Variants in SIGLEC8 observed in about 807,000 individuals in gnomAD.
The protein encoded by SIGLEC8 is sialic acid binding Ig like lectin 8.
Under a neutral mutation model 42.1 loss-of-function variants are expected in SIGLEC8, and 32 were observed. That is an observed-to-expected ratio of 0.76 (90% CI 0.57 to 1.02). The LOEUF (loss-of-function observed/expected upper bound fraction) is 1.02, where lower values mean the gene tolerates loss of function less well. SIGLEC8 is among the 50% of genes least tolerant of loss of function. The pLI, the probability that SIGLEC8 is intolerant of heterozygous loss-of-function variation, is 0.00. For synonymous variants in SIGLEC8, 262 were observed against 260.3 expected (o/e 1.01, Z -0.06); for missense variants, 611 against 610.2 (o/e 1.00, Z -0.01).
In SIGLEC8 at chr19:51,454,258, G is replaced by T. The variant is rs145702641; in HGVS notation, c.1206C>A (p.Gly402=). Residue 402 remains glycine, a synonymous_variant, in exon 6 of 7, where the codon GGC becomes GGA. Transcript: ENST00000321424. This position sits in a 1 kb window ranked among gnomAD's most constrained non-coding sequence, Gnocchi z 4.7. Reference sequence around the variant, plus strand: ...CCCTGATGGCCTTTGCATCTTCCATGCCTGTATCCCCCACGCCCGCTGCTG... The same window carrying T: ...CCCTGATGGCCTTTGCATCTTCCATTCCTGTATCCCCCACGCCCGCTGCTG... ...ARPAAGVGDT[G]MEDAKAIRGS... is the part of the protein sequence containing the mutation. 1.2e-4 allele frequency: 190 copies of T among 1,614,138 alleles called. No homozygotes were observed. The African/African-American group carries it at 2.1e-3, about 18-fold the overall frequency.
At chr19:51,457,895 G>T in intron 1 of SIGLEC8, 39 bp downstream of exon 1, 1 of 1,599,334 alleles carries the variant, frequency 6.3e-7, no homozygotes, top group South Asian at 1.1e-5. Flanking sequence ...AGCCCCTCAT[G>T]ACCTTCCCCT....
Position 51,457,648 on chromosome 19 carries a change from C to T in SIGLEC8, c.546G>A (p.Lys182=). ...AGGAGATCATGGGGGGTGTCCCCTG[C>T]TTACAGGCCCAGGGCACAGAGCAGG... is the stretch of plus-strand genomic sequence containing the variant. ...NLTCSVPWAC[K]QGTPPMISWI... Residue 182 remains lysine (K), a synonymous_variant, in exon 2 of 7, where the codon AAG becomes AAA. Coordinates refer to ENST00000321424, the MANE Select transcript of SIGLEC8 (RefSeq NM_014442.3). 6.2e-7 allele frequency: 1 copy of T among 1,611,328 alleles called. No homozygotes were observed. The highest frequency in any genetic ancestry group is 8.5e-7 in the Non-Finnish European group (1 of 1,178,544).
intron 3 of SIGLEC8, among the ~76,000 whole-genome samples, chr19:51,456,034 A>G (rs552929645): frequency 1.4e-5 from 2 of 139,914 alleles, no homozygotes; most frequent in African/African-American, 5.2e-5. Context: ...ATGAGAACAC[A>G]TGGACACAGG....
rs1189439360 is a variant in SIGLEC8, at chr19:51,452,131, T to G, written c.*248A>C. ...ATGGATGAACCTAGGGGATATTTTT[T>G]TGTGTAAAATGAGCCACACACAGAG... On this transcript the variant is annotated 3_prime_UTR_variant, in exon 7 of 7. Coordinates refer to ENST00000321424, the MANE Select transcript of SIGLEC8 (RefSeq NM_014442.3). 2 of 372,000 alleles carry G rather than the reference T, an allele frequency of 5.4e-6. No homozygotes were observed. The highest frequency in any genetic ancestry group is 2.1e-5 in the African/African-American group (1 of 48,476). The allele number at this position is 372,000 out of a possible 1,614,324, so 23.0% of individuals were successfully genotyped here.
chr19:51,454,547 C>T lies in SIGLEC8; in HGVS notation c.1148+137G>A. 9.9e-7 allele frequency: 1 copy of T among 1,014,300 alleles called. No individual in the cohort carries two copies. Among genetic ancestry groups the T allele is most frequent in the Non-Finnish European group, 1.5e-6 (1 of 675,564 alleles). The allele number at this position is 1,014,300 out of a possible 1,614,324, so 62.8% of individuals were successfully genotyped here. A position where few individuals can be genotyped will look rare whatever the true frequency, so the allele number is the denominator to read the frequency against. ...CACAGACAAGGACGCTCGTGAAATG[C>T]TCACCGTGCACCCGTGAGCTCATTC... On this transcript the variant is annotated intron_variant, in intron 5 of 6. Transcript: ENST00000321424. The surrounding 1 kb of genome is among the most constrained non-coding windows in gnomAD (Gnocchi z 4.7).
chr19:51,453,728 C>T, intron 6 of SIGLEC8: 1 of 977,326 alleles, frequency 1.0e-6, no homozygotes, highest in Non-Finnish European at 1.2e-6. Flanking sequence ...TGAGTATCTA[C>T]ATGTAAATTA....
rs1989382002 is a variant in SIGLEC8, at chr19:51,452,283, G to A, written c.*96C>T. The A allele has an allele frequency of 9.4e-7, 1 of 1,060,288 alleles. No homozygotes were observed. The highest frequency in any genetic ancestry group is 1.7e-5 in the South Asian group (1 of 57,186). 65.7% of individuals were successfully genotyped at this position (1,060,288 alleles called of 1,614,324 possible). ...TGGGTCCCTGGTAGCCGGGGAAAGG[G>A]GAGACATTGGTCCAAGTTTTGGTTA... On this transcript the variant is annotated 3_prime_UTR_variant, in exon 7 of 7. Transcript: ENST00000321424.
At position 51,454,209 on chromosome 19, in the gene SIGLEC8, C is replaced by T. The variant is rs1276162809; in HGVS notation, c.1245+10G>A. 25 of 1,613,938 alleles carry T rather than the reference C, an allele frequency of 1.5e-5. No homozygotes were observed. Among genetic ancestry groups the T allele is most frequent in the Non-Finnish European group, 1.9e-5 (23 of 1,179,960 alleles). On this transcript the variant is annotated intron_variant, in intron 6 of 6. Coordinates refer to ENST00000321424, the MANE Select transcript of SIGLEC8 (RefSeq NM_014442.3). The surrounding 1 kb of genome is among the most constrained non-coding windows in gnomAD (Gnocchi z 4.7). Reference sequence around the variant, plus strand: ...TGGATGCTCGGTGTGGAGAAGCCCACATCACTCACCTGAGAGGCCGAGCCC... The same window carrying T: ...TGGATGCTCGGTGTGGAGAAGCCCATATCACTCACCTGAGAGGCCGAGCCC...
In SIGLEC8 at chr19:51,451,478, A is replaced by G. The variant is rs973562820; in HGVS notation, c.*901T>C. 12 of 152,190 alleles carry G rather than the reference A, an allele frequency of 7.9e-5. No homozygotes were observed. Among genetic ancestry groups the G allele is most frequent in the Admixed American group, 3.3e-4 (5 of 15,286 alleles). 9.4% of individuals were successfully genotyped at this position (152,190 alleles called of 1,614,324 possible). A position where few individuals can be genotyped will look rare whatever the true frequency, so the allele number is the denominator to read the frequency against. ...GCTGCTCCCTCTTTTGTAAAAGTCAATGCCCTCAAGGAATTTATTTCCTGA... is the reference window on the plus strand; with the variant it reads ...GCTGCTCCCTCTTTTGTAAAAGTCAGTGCCCTCAAGGAATTTATTTCCTGA... On this transcript the variant is annotated 3_prime_UTR_variant, in exon 7 of 7. Transcript: ENST00000321424.
intron 6 of SIGLEC8, chr19:51,453,293 T>A: frequency 1.7e-6 from 1 of 595,434 alleles, no homozygotes; most frequent in Non-Finnish European, 2.1e-6. Flanking sequence ...TCTCATTATG[T>A]TGCCCAGGCT....
rs750211907 is a variant in SIGLEC8, at chr19:51,457,558, G to A, written c.636C>T (p.Thr212=). ...TTARSSVLTL[T]PKPQDHGTSL... ...TGGTGCCGTGGTCCTGGGGCTTTGGGGTAAGGGTGAGCACTGAGGAGCGGG... is the reference window on the plus strand; with the variant it reads ...TGGTGCCGTGGTCCTGGGGCTTTGGAGTAAGGGTGAGCACTGAGGAGCGGG... Residue 212 remains threonine (T), a synonymous_variant, in exon 2 of 7, where the codon ACC becomes ACT. Transcript: ENST00000321424. 6.2e-7 allele frequency: 1 copy of A among 1,613,920 alleles called. No homozygotes were observed. Among genetic ancestry groups the A allele is most frequent in the African/African-American group, 1.3e-5 (1 of 74,936 alleles).
At position 51,457,754 on chromosome 19, in the gene SIGLEC8, G is replaced by A; in HGVS notation, c.455-15C>T. ...ATGGGTCAGGGCTGGTGAAGATGGG[G>A]ACACAGGATCAGGAGGAGGTATTTC... On this transcript the variant is annotated splice_polypyrimidine_tract_variant and intron_variant, in intron 1 of 6. Transcript: ENST00000321424. The A allele has an allele frequency of 1.3e-6, 2 of 1,562,534 alleles. No homozygotes were observed. Among genetic ancestry groups the A allele is most frequent in the South Asian group, 1.2e-5 (1 of 80,932 alleles).
rs1599931406 is a variant in SIGLEC8, at chr19:51,458,395, T to G, written c.-8A>C. ...CAGCAGCAGCAGCAGCATGTCTGGGTTTGAAGGCGCCAGGGCCGCCAGGGA... is the reference window on the plus strand; with the variant it reads ...CAGCAGCAGCAGCAGCATGTCTGGGGTTGAAGGCGCCAGGGCCGCCAGGGA... On this transcript the variant is annotated 5_prime_UTR_variant, in exon 1 of 7. Transcript: ENST00000321424. 2 of 1,610,374 alleles carry G rather than the reference T, an allele frequency of 1.2e-6. No individual in the cohort carries two copies. The highest frequency in any genetic ancestry group is 1.7e-6 in the Non-Finnish European group (2 of 1,177,896).
chr19:51,458,142 G>A lies in SIGLEC8; in HGVS notation c.246C>T (p.Asn82=). 6.2e-7 allele frequency: 1 copy of A among 1,614,166 alleles called. No individual in the cohort carries two copies. Among genetic ancestry groups the A allele is most frequent in the Non-Finnish European group, 8.5e-7 (1 of 1,180,024 alleles). ...CTGCCTGCACTTCTCTGTCTGGGTT[G>A]TTTGTGGCCACTGGAGCGTCTTGGT... ...RPYQDAPVAT[N]NPDREVQAET... The change falls in exon 1 of 7, where the codon AAC becomes AAT. Residue 82 remains asparagine (N), a synonymous_variant. Transcript: ENST00000321424.
chr19:51,455,682 T>C lies in SIGLEC8; in HGVS notation c.787A>G (p.Thr263Ala). 2 of 1,613,312 alleles carry C rather than the reference T, an allele frequency of 1.2e-6. No individual in the cohort carries two copies. Among genetic ancestry groups the C allele is most frequent in the South Asian group, 1.1e-5 (1 of 90,982 alleles). The change falls in exon 4 of 7, where the codon ACA (threonine) becomes GCA (alanine). Residue 263 changes from threonine (T) to alanine (A), a missense_variant. Thr to Ala is a moderately conservative substitution (Grantham distance 58, BLOSUM62 0). Coordinates refer to ENST00000321424, the MANE Select transcript of SIGLEC8 (RefSeq NM_014442.3). Reference sequence around the variant, plus strand: ...AGAGATGAGCCATTTCCCAGGGCTGTGGATGCTGCAGAGAAAGAGACAGAG... The same window carrying C: ...AGAGATGAGCCATTTCCCAGGGCTGCGGATGCTGCAGAGAAAGAGACAGAG... ...TVFQGDATAS[T>A]ALGNGSSLSV...
At chr19:51,456,206 C>T (rs1002807452) in intron 3 of SIGLEC8, among the ~76,000 whole-genome samples, 3 of 151,036 alleles carry the variant, frequency 2.0e-5, no homozygotes, top group African/African-American at 7.4e-5. Flanking sequence ...TATCCTAAAA[C>T]TTAAAGTATA....
chr19:51,454,434 T>C lies in SIGLEC8; in HGVS notation c.1149-119A>G. On this transcript the variant is annotated intron_variant, in intron 5 of 6. Coordinates refer to ENST00000321424, the MANE Select transcript of SIGLEC8 (RefSeq NM_014442.3). This position sits in a 1 kb window ranked among gnomAD's most constrained non-coding sequence, Gnocchi z 4.7. ...AGGGGTGACCGAGGCGCAACGGCGGTGGTCCAGTTCCAGAGACCCCAACGG... is the reference window on the plus strand; with the variant it reads ...AGGGGTGACCGAGGCGCAACGGCGGCGGTCCAGTTCCAGAGACCCCAACGG... The C allele has an allele frequency of 6.4e-7, 1 of 1,567,770 alleles. No homozygotes were observed. The highest frequency in any genetic ancestry group is 1.1e-5 in the South Asian group (1 of 88,308).
At chr19:51,456,307 G>A (rs748691923) in intron 3 of SIGLEC8, among the ~76,000 whole-genome samples, 12 of 152,232 alleles carry the variant, frequency 7.9e-5, no homozygotes, top group Non-Finnish European at 1.5e-4. Flanking sequence ...ACTAGTGAGA[G>A]GGACTGACAC....
At chr19:51,456,748 G>C (rs537038520) in intron 3 of SIGLEC8, among the ~76,000 whole-genome samples, 90 of 152,320 alleles carry the variant, frequency 5.9e-4, no homozygotes, top group African/African-American at 2.1e-3. Context: ...AGACTTTGCT[G>C]TGCATTTTGA....
Sources: allele counts gnomAD v4.1 joint callset (sites outside exome capture counted in the v4.1 genomes callset), GRCh38; gene constraint gnomAD v4.1.1; non-coding constraint Gnocchi (gnomAD v3.1); transcripts MANE v1.5; gene names NCBI Gene and HGNC (gene_info 2026-07-23, HGNC 2026-07-21).